CADM1: variants seen among roughly 807,000 people sequenced by gnomAD.
CADM1 encodes TSLC-1.
Under a neutral mutation model 53.1 loss-of-function variants are expected in CADM1, and 15 were observed. The ratio of observed to expected loss-of-function variants is 0.28; its 90% CI spans 0.19 to 0.44. The LOEUF is 0.44. CADM1 is among the 20% of genes least tolerant of loss of function. CADM1 has a pLI of 1.00. For synonymous variants in CADM1, 281 were observed against 243.0 expected, an observed-to-expected ratio of 1.16 and a Z score of -1.45; for missense variants, 434 against 611.3, an observed-to-expected ratio of 0.71 and a Z score of 3.06.
intron 1 of CADM1, among the ~76,000 whole-genome samples, chr11:115,335,876 T>C (rs979560332): frequency 6.6e-6 from 1 of 152,118 alleles, no homozygotes; most frequent in Non-Finnish European, 1.5e-5. Flanking sequence ...TTTTAAAAAA[T>C]TCACATTTCC....
At chr11:115,472,960 T>C (rs1309311315) in intron 1 of CADM1, among the ~76,000 whole-genome samples, 1 of 152,200 alleles carries the variant, frequency 6.6e-6, no homozygotes, top group Non-Finnish European at 1.5e-5. Context: ...ACCATACTGT[T>C]CAGTTTCTTA....
At chr11:115,361,992 G>A (rs751801362) in intron 1 of CADM1, among the ~76,000 whole-genome samples, 2 of 151,914 alleles carry the variant, frequency 1.3e-5, no homozygotes, top group African/African-American at 2.4e-5. Context: ...CCCCCACCTC[G>A]GCCTCTCAAA....
At chr11:115,239,528 T>C (rs1942141312) in intron 2 of CADM1, among the ~76,000 whole-genome samples, 1 of 152,208 alleles carries the variant, frequency 6.6e-6, no homozygotes, top group Admixed American at 6.5e-5. Context: ...AAAATTAACT[T>C]TAAGAAAAGA....
intron 5 of CADM1, among the ~76,000 whole-genome samples, chr11:115,222,511 CATA>C (rs1177458982): frequency 6.6e-6 from 1 of 152,156 alleles, no homozygotes; most frequent in African/African-American, 2.4e-5. Flanking sequence ...TTTCTATTGT[CATA>C]ATACATTCAT....
intron 1 of CADM1, among the ~76,000 whole-genome samples, chr11:115,478,822 G>A (rs1018416616): frequency 6.6e-6 from 1 of 151,916 alleles, no homozygotes; most frequent in Non-Finnish European, 1.5e-5. Flanking sequence ...ATACACCCTG[G>A]AAGTCTTCTC....
chr11:115,433,276 T>C (rs1050914134), intron 1 of CADM1, among the ~76,000 whole-genome samples: 2 of 152,190 alleles, frequency 1.3e-5, no homozygotes, highest in African/African-American at 2.4e-5. Flanking sequence ...ACATACAAAA[T>C]GCATTAGGAA....
At position 115,171,371 on chromosome 11, in the gene CADM1, A is replaced by G. The variant is rs1565274190; in HGVS notation, c.*5103T>C. ...GAATCAAAGGAGCATTTCTCCATGG[A>G]GCAAGTCCACAGCGGTAAAAGAATT... On this transcript the variant is annotated 3_prime_UTR_variant, in exon 12 of 12. Transcript: ENST00000331581. 1 of 152,200 alleles carries G rather than the reference A, an allele frequency of 6.6e-6. No homozygotes were observed. The highest frequency in any genetic ancestry group is 1.5e-5 in the Non-Finnish European group (1 of 68,026). The allele number at this position is 152,200 out of a possible 1,614,324, so 9.4% of individuals were successfully genotyped here.
At chr11:115,204,667 T>A (rs1262769028) in intron 8 of CADM1, among the ~76,000 whole-genome samples, 2 of 152,198 alleles carry the variant, frequency 1.3e-5, no homozygotes, top group African/African-American at 4.8e-5. Flanking sequence ...CAGGTGTGCT[T>A]CTTTGCTTTG....
chr11:115,368,462 A>G (rs943903924), intron 1 of CADM1, among the ~76,000 whole-genome samples: 9 of 152,190 alleles, frequency 5.9e-5, no homozygotes, highest in African/African-American at 2.2e-4. Flanking sequence ...AACATTCATG[A>G]AAGCCATTTT....
intron 1 of CADM1, among the ~76,000 whole-genome samples, chr11:115,381,595 T>G (rs1218140711): frequency 6.6e-6 from 1 of 152,170 alleles, no homozygotes; most frequent in African/African-American, 2.4e-5. Flanking sequence ...GAGCCTCACT[T>G]TCCTTATGTA....
intron 1 of CADM1, among the ~76,000 whole-genome samples, chr11:115,353,750 G>A (rs143469528): frequency 1.3e-5 from 2 of 152,242 alleles, no homozygotes; most frequent in East Asian, 3.9e-4. Context: ...TTCTCATTCT[G>A]CTCCTCCTTG....
intron 1 of CADM1, among the ~76,000 whole-genome samples, chr11:115,282,164 C>G (rs1169254697): frequency 6.6e-6 from 1 of 152,090 alleles, no homozygotes; most frequent in Non-Finnish European, 1.5e-5. Flanking sequence ...ATGGTGATGT[C>G]TTATATGGAT....
At chr11:115,269,256 C>T (rs1490642730) in intron 1 of CADM1, among the ~76,000 whole-genome samples, 2 of 152,070 alleles carry the variant, frequency 1.3e-5, no homozygotes, top group African/African-American at 2.4e-5. Flanking sequence ...CATCAGAGTT[C>T]CCCAACTCTC....
intron 1 of CADM1, among the ~76,000 whole-genome samples, chr11:115,443,866 G>T (rs528127391): frequency 1.3e-5 from 2 of 152,150 alleles, no homozygotes; most frequent in African/African-American, 4.8e-5. Context: ...CCTATTAGAA[G>T]AACGGACAAA....
chr11:115,461,503 T>C (rs1296402712), intron 1 of CADM1, among the ~76,000 whole-genome samples: 1 of 152,040 alleles, frequency 6.6e-6, no homozygotes, highest in Non-Finnish European at 1.5e-5. Context: ...CAAAAGGAAG[T>C]CCGGATGTAG....
At chr11:115,323,148 C>G (rs1188464523) in intron 1 of CADM1, among the ~76,000 whole-genome samples, 4 of 152,130 alleles carry the variant, frequency 2.6e-5, no homozygotes, top group African/African-American at 9.7e-5. Context: ...TGAAGTGGTA[C>G]TTCACTGTGG....
In CADM1 at chr11:115,173,741, G is replaced by A; in HGVS notation, c.*2733C>T. On this transcript the variant is annotated 3_prime_UTR_variant, in exon 12 of 12. Coordinates refer to ENST00000331581, the MANE Select transcript of CADM1 (RefSeq NM_001301043.2). The stretch of plus-strand genomic sequence containing the variant: ...ATGAACCAATACAAAATGCGAATGG[G>A]AACATATGGATATGGAGTTTCTTAC... 3.1e-6 allele frequency: 3 copies of A among 952,486 alleles called. No homozygotes were observed. Among genetic ancestry groups the A allele is most frequent in the Non-Finnish European group, 3.7e-6 (3 of 800,634 alleles). 59.0% of individuals were successfully genotyped at this position (952,486 alleles called of 1,614,324 possible).
chr11:115,203,790 C>T (rs1019598733), intron 8 of CADM1, among the ~76,000 whole-genome samples: 2 of 152,068 alleles, frequency 1.3e-5, no homozygotes, highest in African/African-American at 2.4e-5. Flanking sequence ...TTTTCTCATT[C>T]CCTCCTAAAT....
rs1377492874 is a variant in CADM1, at chr11:115,176,355, TCA to T, written c.*117_*118del. 1.6e-5 allele frequency: 26 copies of T among 1,585,518 alleles called. No homozygotes were observed. Among genetic ancestry groups the T allele is most frequent in the Non-Finnish European group, 2.2e-5 (26 of 1,162,426 alleles). On this transcript the variant is annotated 3_prime_UTR_variant, in exon 12 of 12. Coordinates refer to ENST00000331581, the MANE Select transcript of CADM1 (RefSeq NM_001301043.2). Reference sequence around the variant, plus strand: ...CAGCAAATCCCAAGCCTTCCCAGTCTCACACCTTTCCACCCATTCATAAAAAA... The same window carrying T: ...CAGCAAATCCCAAGCCTTCCCAGTCTCACCTTTCCACCCATTCATAAAAAA...
Sources: gnomAD v4.1 joint callset for allele counts (sites outside exome capture counted in the v4.1 genomes callset) on GRCh38, gnomAD v4.1.1 for gene constraint, MANE v1.5 for transcripts, NCBI Gene and HGNC (gene_info 2026-07-23, HGNC 2026-07-21) for gene names.